ACOXL: variants seen among roughly 807,000 people sequenced by gnomAD.
The protein encoded by ACOXL is acyl-coenzyme A oxidase-like protein.
ACOXL carries 70 observed loss-of-function variants against 71.9 expected under a neutral mutation model. That is an observed-to-expected ratio of 0.97 (90% CI 0.80 to 1.19). ACOXL has a LOEUF of 1.19. Among genes scored for constraint, ACOXL ranks in the 50% most tolerant of loss-of-function variants. The pLI is 0.00. For missense variants in ACOXL, 703 were observed against 736.3 expected (o/e 0.95, Z 0.52); for synonymous variants, 253 against 281.6 (o/e 0.90, Z 1.02).
At chr2:111,066,210 G>C (rs1295565218) in intron 16 of ACOXL, among the ~76,000 whole-genome samples, 1 of 152,210 alleles carries the variant, frequency 6.6e-6, no homozygotes, top group Non-Finnish European at 1.5e-5. Flanking sequence ...CAATGAGAAA[G>C]AATGCACTAT....
intron 2 of ACOXL, among the ~76,000 whole-genome samples, chr2:110,773,949 T>A (rs1290065348): frequency 6.6e-6 from 1 of 152,194 alleles, no homozygotes; most frequent in Non-Finnish European, 1.5e-5. Flanking sequence ...AAGCGGGGCA[T>A]GGCAGGGAGT....
chr2:111,018,710 GA>G (rs113713200), intron 14 of ACOXL, among the ~76,000 whole-genome samples: 25,207 of 149,578 alleles, frequency 0.17, 3,050 homozygotes, highest in African/African-American at 0.34. Context: ...AGAGAGGCTG[GA>G]GGGGGTGTTG....
At chr2:111,093,772 GA>G in intron 17 of ACOXL, 3 of 402,372 alleles carry the variant, frequency 7.5e-6, no homozygotes, top group Non-Finnish European at 1.3e-5. Context: ...GCTGAGGCAC[GA>G]GAATCGCTTG....
intron 10 of ACOXL, among the ~76,000 whole-genome samples, chr2:110,846,795 G>A (rs1016621997): frequency 1.1e-4 from 16 of 151,816 alleles, no homozygotes; most frequent in Admixed American, 4.6e-4. Context: ...GTTGGGGGGG[G>A]TGTATGTGTT....
rs895694058 is a variant in ACOXL, at chr2:110,801,666, G to A, written c.562G>A (p.Asp188Asn). 2.5e-6 allele frequency: 4 copies of A among 1,614,140 alleles called. No homozygotes were observed. Among genetic ancestry groups the A allele is most frequent in the Middle Eastern group, 1.6e-4 (1 of 6,062 alleles). The change falls in exon 8 of 18, where the codon GAC becomes AAC. Residue 188 changes from aspartate (D) to asparagine (N), a missense_variant. Asp to Asn is a conservative substitution (Grantham distance 23). Coordinates refer to ENST00000439055, the MANE Select transcript of ACOXL (RefSeq NM_001142807.4). ...ATTCTTGCCAGGTCTGCATGGTGTG[G>A]ACAATGGGATATTAATATTTGACAA... is the stretch of plus-strand genomic sequence containing the variant. ...MMYKEGLHGV[D>N]NGILIFDKVR...
intron 12 of ACOXL, among the ~76,000 whole-genome samples, chr2:110,984,052 G>T (rs2062829099): frequency 6.6e-6 from 1 of 152,016 alleles, no homozygotes. Flanking sequence ...CACTATGTTG[G>T]CTAGGCTGGT....
At chr2:110,889,282 C>T (rs1697670071) in intron 10 of ACOXL, among the ~76,000 whole-genome samples, 1 of 151,450 alleles carries the variant, frequency 6.6e-6, no homozygotes, top group Non-Finnish European at 1.5e-5. Context: ...TTCAAGAGCC[C>T]ATGGTGAAGT....
At chr2:110,806,357 G>A (rs1025354307) in intron 9 of ACOXL, among the ~76,000 whole-genome samples, 5 of 152,170 alleles carry the variant, frequency 3.3e-5, no homozygotes, top group African/African-American at 7.2e-5. Flanking sequence ...CAGTGGGGCC[G>A]GGTGGGTGTT....
chr2:110,903,677 A>G (rs1216736484), intron 10 of ACOXL, among the ~76,000 whole-genome samples: 1 of 152,282 alleles, frequency 6.6e-6, no homozygotes, highest in African/African-American at 2.4e-5. Flanking sequence ...CACATAGATC[A>G]TAAACTGGAA....
intron 12 of ACOXL, chr2:110,968,641 G>C: frequency 1.1e-6 from 1 of 950,080 alleles, no homozygotes; most frequent in South Asian, 1.6e-5. Context: ...GTCCCAAAAT[G>C]TCCATTGCCC....
At chr2:110,935,990 A>T (rs1014044502) in intron 12 of ACOXL, among the ~76,000 whole-genome samples, 2 of 152,090 alleles carry the variant, frequency 1.3e-5, no homozygotes, top group Non-Finnish European at 2.9e-5. Flanking sequence ...CGCTCCTATG[A>T]GCATCTAATG....
intron 17 of ACOXL, among the ~76,000 whole-genome samples, chr2:111,101,486 A>C (rs998214752): frequency 6.6e-6 from 1 of 152,122 alleles, no homozygotes; most frequent in African/African-American, 2.4e-5. Flanking sequence ...CATTCCCCAG[A>C]CCACCTGGAT....
intron 9 of ACOXL, among the ~76,000 whole-genome samples, chr2:110,812,432 A>G (rs1167240830): frequency 2.0e-5 from 3 of 152,122 alleles, no homozygotes; most frequent in African/African-American, 7.2e-5. Context: ...CCCAGTACCC[A>G]ATAGTTACCT....
chr2:110,957,834 A>G (rs2149434982), intron 12 of ACOXL, among the ~76,000 whole-genome samples: 1 of 152,058 alleles, frequency 6.6e-6, no homozygotes, highest in Admixed American at 6.5e-5. Context: ...AGGCGGGCGG[A>G]TCACCTGAGG....
rs1472624776 is a variant in ACOXL at position 110,987,164 on chromosome 2, C to G, written c.1116C>G (p.Leu372=). Residue 372 remains leucine (L), a synonymous_variant, in exon 13 of 18, where the codon CTC becomes CTG. Coordinates refer to ENST00000439055, the MANE Select transcript of ACOXL (RefSeq NM_001142807.4). The part of the protein sequence containing the change: ...QYTKQYEEKP[L]FGLLQNWAES... The stretch of plus-strand genomic sequence containing the variant: ...CCAAACAGTATGAAGAAAAACCACT[C>G]TTTGGCCTGCTCCAAAACTGGGCTG... 1 of 1,579,476 alleles carries G rather than the reference C, an allele frequency of 6.3e-7. No individual in the cohort carries two copies. Among genetic ancestry groups the G allele is most frequent in the African/African-American group, 1.3e-5 (1 of 74,448 alleles).
At chr2:110,967,707 A>G (rs2061992957) in intron 12 of ACOXL, 3 of 419,314 alleles carry the variant, frequency 7.2e-6, no homozygotes, top group Non-Finnish European at 8.6e-6. Context: ...ATTTCAACAC[A>G]TTTATTTCAA....
chr2:111,097,483 C>T (rs1215778326), intron 17 of ACOXL, among the ~76,000 whole-genome samples: 1 of 152,216 alleles, frequency 6.6e-6, no homozygotes, highest in East Asian at 1.9e-4. Flanking sequence ...ACATCCAGCA[C>T]CCAGTTCTTG....
intron 14 of ACOXL, among the ~76,000 whole-genome samples, chr2:111,007,453 G>T (rs2063929747): frequency 6.6e-6 from 1 of 152,100 alleles, no homozygotes; most frequent in Non-Finnish European, 1.5e-5. Flanking sequence ...TCAGCATGCA[G>T]TCACAGATAT....
chr2:110,852,846 T>G (rs566950165), intron 10 of ACOXL, among the ~76,000 whole-genome samples: 5 of 152,344 alleles, frequency 3.3e-5, no homozygotes, highest in African/African-American at 1.2e-4. Flanking sequence ...TGCCATTCCC[T>G]GGTCTTTCAT....
Sources: allele counts gnomAD v4.1 joint callset (sites outside exome capture counted in the v4.1 genomes callset), GRCh38; gene constraint gnomAD v4.1.1; transcripts MANE v1.5; gene names NCBI Gene and HGNC (gene_info 2026-07-23, HGNC 2026-07-21).